The following NEK10 variants were observed in gnomAD, a reference collection of about 807,000 sequenced individuals.
NEK10 encodes serine/threonine-protein kinase Nek10.
Under a neutral mutation model 159.8 loss-of-function variants are expected in NEK10, and 122 were observed. That is an observed-to-expected ratio of 0.76 (90% CI 0.66 to 0.89). The LOEUF is 0.89. Ranked by LOEUF, NEK10 falls within the 40% of genes least tolerant of loss-of-function variation. The pLI is 0.00. For missense variants in NEK10, 1,342 were observed against 1,323.1 expected (o/e 1.01, Z -0.22); for synonymous variants, 466 against 457.1 (o/e 1.02, Z -0.25).
intron 30 of NEK10, 123 bp downstream of exon 30, chr3:27,162,578 G>A: frequency 1.2e-6 from 2 of 1,614,126 alleles, no homozygotes; most frequent in South Asian, 1.1e-5. Context: ...GGCACTTTCA[G>A]AAGCAGGTCA....
At chr3:27,138,361 G>C (rs542549995) in intron 31 of NEK10, among the ~76,000 whole-genome samples, 1 of 152,172 alleles carries the variant, frequency 6.6e-6, no homozygotes, top group Non-Finnish European at 1.5e-5. Flanking sequence ...GGGACACTTC[G>C]CTTCAAGTTT....
In NEK10 at chr3:27,291,361, A is replaced by G. The variant is rs1377879227; in HGVS notation, c.1506T>C (p.Asn502=). The change falls in exon 18 of 36, where the codon AAT becomes AAC. Residue 502 remains asparagine, a synonymous_variant. Transcript: ENST00000691995. The stretch of plus-strand genomic sequence containing the variant: ...CTTTGTTCTGATTAATGCTTTCAAT[A>G]TTTTCAGCAATTTGCTTCAGTTCAT... ...VEDELKQIAE[N]IESINQNKAP... is the part of the protein sequence containing the mutation. 1.9e-6 allele frequency: 3 copies of G among 1,611,928 alleles called. No homozygotes were observed. Among genetic ancestry groups the G allele is most frequent in the Admixed American group, 3.3e-5 (2 of 59,706 alleles).
At chr3:27,205,112 T>C (rs1261176099) in intron 23 of NEK10, among the ~76,000 whole-genome samples, 1 of 152,202 alleles carries the variant, frequency 6.6e-6, no homozygotes, top group East Asian at 1.9e-4. Flanking sequence ...TGTCTTCTTT[T>C]GAGAAGTGTC....
chr3:27,285,342 C>A (rs1011027138), intron 20 of NEK10, among the ~76,000 whole-genome samples: 3 of 152,042 alleles, frequency 2.0e-5, no homozygotes, highest in Non-Finnish European at 4.4e-5. Flanking sequence ...TCCCAGTAGT[C>A]TAAAATTTAC....
At chr3:27,126,497 T>G (rs980437536) in intron 32 of NEK10, among the ~76,000 whole-genome samples, 2 of 152,146 alleles carry the variant, frequency 1.3e-5, no homozygotes, top group African/African-American at 4.8e-5. Flanking sequence ...CTGTTGGATA[T>G]ACCATAAGTT....
At chr3:27,355,940 A>C (rs549127960) in intron 1 of NEK10, among the ~76,000 whole-genome samples, 100 of 152,322 alleles carry the variant, frequency 6.6e-4, no homozygotes, top group Admixed American at 1.5e-3. Context: ...TTCATGTTGA[A>C]ATTTAATTGC....
intron 23 of NEK10, among the ~76,000 whole-genome samples, chr3:27,242,161 A>T (rs184102117): frequency 5.6e-4 from 86 of 152,344 alleles, no homozygotes; most frequent in African/African-American, 2.0e-3. Context: ...TTTGGCATTG[A>T]TACTTTTTTG....
intron 25 of NEK10, among the ~76,000 whole-genome samples, chr3:27,197,139 G>A (rs976341662): frequency 1.3e-5 from 2 of 151,850 alleles, no homozygotes; most frequent in Non-Finnish European, 2.9e-5. Context: ...CAGGGACGCA[G>A]AAATAATGGT....
chr3:27,206,297 T>C (rs1950541136), intron 23 of NEK10, among the ~76,000 whole-genome samples: 1 of 152,176 alleles, frequency 6.6e-6, no homozygotes, highest in African/African-American at 2.4e-5. Flanking sequence ...GAATCTGTTC[T>C]CATGGGGCTC....
At chr3:27,188,428 T>C (rs754536536) in intron 26 of NEK10, among the ~76,000 whole-genome samples, 6 of 152,214 alleles carry the variant, frequency 3.9e-5, no homozygotes, top group Admixed American at 6.5e-5. Flanking sequence ...CAAATCCCTG[T>C]TCCTTCATTA....
chr3:27,307,299 T>G (rs1397539673), intron 11 of NEK10, among the ~76,000 whole-genome samples: 1 of 152,212 alleles, frequency 6.6e-6, no homozygotes, highest in Non-Finnish European at 1.5e-5. Context: ...AGAAAATTAC[T>G]CAACTAAATA....
chr3:27,354,508 C>T (rs990786479), intron 1 of NEK10, among the ~76,000 whole-genome samples: 4 of 152,146 alleles, frequency 2.6e-5, no homozygotes, highest in Non-Finnish European at 5.9e-5. Flanking sequence ...AAACAAAATC[C>T]TTTCCATTTA....
At chr3:27,334,154 C>T (rs563505756) in intron 5 of NEK10, among the ~76,000 whole-genome samples, 237 of 152,324 alleles carry the variant, frequency 1.6e-3, no homozygotes, top group Middle Eastern at 3.4e-3. Context: ...AAACCCTCCT[C>T]CCAAGGGCCT....
At chr3:27,364,349 TG>T (rs1223002519) in intron 1 of NEK10, among the ~76,000 whole-genome samples, 9 of 202 alleles carry the variant, frequency 0.045, no homozygotes, top group Admixed American at 0.12. Context: ...CCTGGCTAAT[TG>T]TGTGTGTGTG....
At chr3:27,142,558 A>ACACAACAT (rs1943891439) in intron 30 of NEK10, among the ~76,000 whole-genome samples, 1 of 152,000 alleles carries the variant, frequency 6.6e-6, no homozygotes, top group Non-Finnish European at 1.5e-5. Context: ...TCTTCCCTTC[A>ACACAACAT]CACAACATTG....
At chr3:27,305,336 G>A (rs591702) in intron 11 of NEK10, among the ~76,000 whole-genome samples, 68 of 152,248 alleles carry the variant, frequency 4.5e-4, no homozygotes, top group Non-Finnish European at 8.8e-4. Flanking sequence ...TAGGCTCGTT[G>A]CATCATCGTT....
chr3:27,147,682 C>T (rs1355038455), intron 30 of NEK10, among the ~76,000 whole-genome samples: 2 of 152,152 alleles, frequency 1.3e-5, no homozygotes, highest in African/African-American at 2.4e-5. Flanking sequence ...CAATCTACAC[C>T]AATAAAGGAG....
intron 22 of NEK10, among the ~76,000 whole-genome samples, chr3:27,258,489 C>G (rs774364077): frequency 2.0e-5 from 3 of 151,140 alleles, no homozygotes; most frequent in African/African-American, 7.3e-5. Flanking sequence ...TTTGTTCTTG[C>G]GATAGTTTGC....
intron 30 of NEK10, among the ~76,000 whole-genome samples, chr3:27,147,745 A>G (rs1428776647): frequency 2.0e-5 from 3 of 152,226 alleles, no homozygotes; most frequent in East Asian, 1.9e-4. Flanking sequence ...AAATTAATAT[A>G]CTGGTATGAT....
Sources: allele counts gnomAD v4.1 joint callset (sites outside exome capture counted in the v4.1 genomes callset), GRCh38; gene constraint gnomAD v4.1.1; transcripts MANE v1.5; gene names NCBI Gene and HGNC (gene_info 2026-07-23, HGNC 2026-07-21).